The following RASGEF1C variants were observed in gnomAD, a reference collection of about 807,000 sequenced individuals.
RASGEF1C encodes the protein RasGEF domain family member 1C, also known as ras-GEF domain-containing family member 1C.
Under a neutral mutation model 58.1 loss-of-function variants are expected in RASGEF1C, and 27 were observed. The ratio of observed to expected loss-of-function variants is 0.46; its 90% CI spans 0.34 to 0.64. The LOEUF (loss-of-function observed/expected upper bound fraction) is 0.64, where lower values mean the gene tolerates loss of function less well. Among genes scored for constraint, RASGEF1C ranks in the 30% least tolerant of loss-of-function variants. The probability of loss-of-function intolerance (pLI) is 0.01; values close to 1 mark genes in which losing one functional copy is unlikely to be tolerated. For missense variants in RASGEF1C, 502 were observed against 605.1 expected (o/e 0.83, Z 1.79); for synonymous variants, 243 against 246.3 (o/e 0.99, Z 0.13).
At chr5:180,175,921 G>A (rs1368047835) in intron 1 of RASGEF1C, among the ~76,000 whole-genome samples, 1 of 152,236 alleles carries the variant, frequency 6.6e-6, no homozygotes, top group Non-Finnish European at 1.5e-5. Context: ...CCGGAAGGCA[G>A]AGCTTGAAGT....
intron 1 of RASGEF1C, among the ~76,000 whole-genome samples, chr5:180,196,393 C>G (rs540343764): frequency 4.0e-4 from 60 of 151,640 alleles, no homozygotes; most frequent in African/African-American, 1.4e-3. Flanking sequence ...ACCAGCTACT[C>G]AGGAGGCTGA....
intron 1 of RASGEF1C, among the ~76,000 whole-genome samples, chr5:180,181,401 T>C (rs771212600): frequency 4.6e-5 from 7 of 152,172 alleles, no homozygotes; most frequent in Non-Finnish European, 8.8e-5. Context: ...TCACCTCCAA[T>C]ATCTCCAAAA....
intron 12 of RASGEF1C, among the ~76,000 whole-genome samples, chr5:180,107,885 G>T (rs912481325): frequency 6.6e-6 from 1 of 152,160 alleles, no homozygotes; most frequent in Non-Finnish European, 1.5e-5. Flanking sequence ...GCCTCCCAAA[G>T]TGCTGAGATT....
chr5:180,164,637 T>C (rs1435560870), intron 1 of RASGEF1C, among the ~76,000 whole-genome samples: 2 of 152,196 alleles, frequency 1.3e-5, no homozygotes, highest in Admixed American at 1.3e-4. Flanking sequence ...CTAATCTAAT[T>C]CCATTTTGGT....
chr5:180,127,099 C>T (rs1766275390), intron 6 of RASGEF1C, among the ~76,000 whole-genome samples: 2 of 152,250 alleles, frequency 1.3e-5, no homozygotes, highest in South Asian at 4.1e-4. Context: ...GCTGGTTGGG[C>T]TCCCAGAAGG....
At chr5:180,180,156 C>A (rs1443531531) in intron 1 of RASGEF1C, among the ~76,000 whole-genome samples, 1 of 152,282 alleles carries the variant, frequency 6.6e-6, no homozygotes, top group South Asian at 2.1e-4. Flanking sequence ...AAAAAGGCAG[C>A]GGGCACAGCT....
intron 1 of RASGEF1C, among the ~76,000 whole-genome samples, chr5:180,176,717 C>T (rs757449061): frequency 1.4e-4 from 22 of 152,030 alleles, no homozygotes; most frequent in Non-Finnish European, 2.8e-4. Context: ...CCACCATGCC[C>T]GGCTAATTTT....
At position 180,152,816 on chromosome 5, in the gene RASGEF1C, CAGG is replaced by C. The variant is rs1766784858; in HGVS notation, c.-6-14761_-6-14759del. Among the ~76,000 whole-genome samples the C allele has an allele frequency of 2.7e-5, 4 of 149,212 alleles. No individual in the cohort carries two copies. The South Asian group carries it at 8.4e-4, about 31-fold the overall frequency. On this transcript the variant is annotated intron_variant, in intron 1 of 13. Coordinates refer to ENST00000361132, the MANE Select transcript of RASGEF1C (RefSeq NM_175062.4). ...ATCCCAGCTACTCAGGAGGCCGAGG[CAGG>C]AGAACTGCTTGAACCCGAGAGGCGG...
intron 1 of RASGEF1C, among the ~76,000 whole-genome samples, chr5:180,159,299 C>T (rs1279355388): frequency 2.0e-5 from 3 of 151,842 alleles, no homozygotes; most frequent in African/African-American, 7.3e-5. Flanking sequence ...ACCACCACGC[C>T]CGGCTAATTT....
Position 180,142,785 on chromosome 5 carries a change from G to A in RASGEF1C, c.-6-4727C>T, listed in dbSNP as rs142082995. ...AATGAGTCGCTGCTGTGCCCTCCTC[G>A]CACCCCATCGTTTTAGAGTCATTCG... On this transcript the variant is annotated intron_variant, in intron 1 of 13. Coordinates refer to ENST00000361132, the MANE Select transcript of RASGEF1C (RefSeq NM_175062.4). Among the ~76,000 whole-genome samples the A allele has an allele frequency of 2.3e-3, 346 of 152,178 alleles. 3 individuals are homozygous for A. Among genetic ancestry groups the A allele is most frequent in the African/African-American group, 7.9e-3 (329 of 41,520 alleles).
chr5:180,144,979 T>A (rs1766641566), intron 1 of RASGEF1C, among the ~76,000 whole-genome samples: 1 of 152,234 alleles, frequency 6.6e-6, no homozygotes, highest in South Asian at 2.1e-4. Context: ...CGTCAGAATT[T>A]CCTTCCTTTT....
intron 1 of RASGEF1C, among the ~76,000 whole-genome samples, chr5:180,149,916 T>G (rs542767828): frequency 6.6e-6 from 1 of 152,218 alleles, no homozygotes; most frequent in Non-Finnish European, 1.5e-5. Context: ...ATTCATGTTT[T>G]TCATCAAATT....
At chr5:180,103,574 T>A (rs1026938867) in intron 12 of RASGEF1C, among the ~76,000 whole-genome samples, 2 of 152,240 alleles carry the variant, frequency 1.3e-5, no homozygotes, top group Admixed American at 6.5e-5. Context: ...CCCTTATTAG[T>A]TCTAGGGGTT....
intron 4 of RASGEF1C, among the ~76,000 whole-genome samples, chr5:180,130,085 T>C (rs1170744961): frequency 6.6e-6 from 1 of 152,142 alleles, no homozygotes; most frequent in Non-Finnish European, 1.5e-5. Context: ...TGGGCTCTCA[T>C]AGCACAGCGG....
chr5:180,104,040 A>G (rs1765838915), intron 12 of RASGEF1C, among the ~76,000 whole-genome samples: 1 of 152,200 alleles, frequency 6.6e-6, no homozygotes, highest in Non-Finnish European at 1.5e-5. Context: ...GTCATGACGT[A>G]TAATTATTTT....
chr5:180,150,757 GA>G (rs1275074211), intron 1 of RASGEF1C, among the ~76,000 whole-genome samples: 1 of 152,050 alleles, frequency 6.6e-6, no homozygotes, highest in Non-Finnish European at 1.5e-5. Flanking sequence ...ATTCAATTAG[GA>G]AAAAAGGAAG....
chr5:180,142,838 A>G (rs1766602625), intron 1 of RASGEF1C, among the ~76,000 whole-genome samples: 1 of 151,956 alleles, frequency 6.6e-6, no homozygotes, highest in African/African-American at 2.4e-5. Flanking sequence ...TCATCAGAGG[A>G]TGGCTCTGGG....
intron 1 of RASGEF1C, among the ~76,000 whole-genome samples, chr5:180,191,601 C>T (rs970070445): frequency 1.2e-4 from 19 of 152,130 alleles, no homozygotes; most frequent in African/African-American, 4.1e-4. Flanking sequence ...CGTGATCCGC[C>T]CGCCTCAGCC....
intron 3 of RASGEF1C, 92 bp from the exon 4 acceptor site, chr5:180,136,607 GCAGGCAGGGCCTC>G (rs1582275117): frequency 7.2e-7 from 1 of 1,395,652 alleles, no homozygotes; most frequent in East Asian, 2.6e-5. Context: ...GCCGCCCGGG[GCAGGCAGGGCCTC>G]GTGCCCTCTC....
Sources: allele counts gnomAD v4.1 joint callset (sites outside exome capture counted in the v4.1 genomes callset), GRCh38; gene constraint gnomAD v4.1.1; transcripts MANE v1.5; gene names NCBI Gene and HGNC (gene_info 2026-07-23, HGNC 2026-07-21).